Variants in SLC9C1 observed in about 807,000 individuals in gnomAD.
SLC9C1 encodes the protein sodium/hydrogen exchanger 10.
A neutral mutation model predicts 140.9 loss-of-function variants in SLC9C1; 97 were observed. The observed-to-expected ratio is 0.69, with a 90% CI of 0.58 to 0.82. The LOEUF is 0.82. Among genes scored for constraint, SLC9C1 ranks in the 40% least tolerant of loss-of-function variants. The pLI is 0.00. For missense variants in SLC9C1, 1,340 were observed against 1,389.3 expected (o/e 0.96, Z 0.56); for synonymous variants, 440 against 442.6 (o/e 0.99, Z 0.07).
rs529162146 is a variant in SLC9C1 at position 112,260,115 on chromosome 3, A to G, written c.1197+2809T>C. Among the ~76,000 whole-genome samples, 47 of 152,216 alleles carry G rather than the reference A, an allele frequency of 3.1e-4. 1 individual carries two copies. In the South Asian group the frequency reaches 9.7e-3, roughly 32 times the overall value. ...ATATAGAGGAGTATTAAAGTGTCCAATTATAATTTATCTATTTCTCCCTTT... is the reference window on the plus strand; with the variant it reads ...ATATAGAGGAGTATTAAAGTGTCCAGTTATAATTTATCTATTTCTCCCTTT... On this transcript the variant is annotated intron_variant, in intron 10 of 28. Transcript: ENST00000305815.
chr3:112,202,810 C>T (rs1318487828), intron 17 of SLC9C1, among the ~76,000 whole-genome samples: 2 of 151,602 alleles, frequency 1.3e-5, no homozygotes, highest in Non-Finnish European at 2.9e-5. Flanking sequence ...GGTGAGAAAC[C>T]ACCACAACCA....
chr3:112,243,693 C>CT (rs59607744), intron 11 of SLC9C1, among the ~76,000 whole-genome samples: 8 of 143,716 alleles, frequency 5.6e-5, no homozygotes, highest in Admixed American at 3.5e-4. Context: ...TATATGGATT[C>CT]TTTTTTTTTT....
intron 23 of SLC9C1, among the ~76,000 whole-genome samples, chr3:112,171,418 T>A (rs2077245528): frequency 6.6e-6 from 1 of 152,206 alleles, no homozygotes; most frequent in Admixed American, 6.5e-5. Flanking sequence ...CTTTGTAAAG[T>A]GTCTGTTCAC....
At chr3:112,162,585 G>T (rs375829991) in intron 26 of SLC9C1, among the ~76,000 whole-genome samples, 1 of 152,122 alleles carries the variant, frequency 6.6e-6, no homozygotes, top group Non-Finnish European at 1.5e-5. Flanking sequence ...ATTGATTTGC[G>T]TATATTGAAC....
rs554957415 is a variant in SLC9C1 at position 112,152,957 on chromosome 3, A to T, written c.3418-994T>A. Among the ~76,000 whole-genome samples, 3 of 152,240 alleles carry T rather than the reference A, an allele frequency of 2.0e-5. No individual in the cohort carries two copies. The East Asian group carries it at 5.8e-4, about 29-fold the overall frequency. On this transcript the variant is annotated intron_variant, in intron 27 of 28. Transcript: ENST00000305815. Reference sequence around the variant, plus strand: ...GAGTTTCTTATGTCTTCCTTTTTCTAGATAGACACAATAACAGTCTGATCT... The same window carrying T: ...GAGTTTCTTATGTCTTCCTTTTTCTTGATAGACACAATAACAGTCTGATCT...
chr3:112,292,219 A>C (rs1349088679), intron 1 of SLC9C1, among the ~76,000 whole-genome samples: 2 of 152,192 alleles, frequency 1.3e-5, no homozygotes, highest in Admixed American at 1.3e-4. Context: ...CCATGACATG[A>C]ATTTACCCAT....
rs2074933811 is a variant in SLC9C1 at position 112,150,759 on chromosome 3, T to G, written c.3524+1098A>C. 2.1e-5 allele frequency among the ~76,000 whole-genome samples: 3 copies of G among 142,686 alleles called. No homozygotes were observed. The South Asian group carries it at 6.5e-4, about 31-fold the overall frequency. The allele number at this position is 142,686 out of a possible 152,430, so 93.6% of individuals were successfully genotyped here. Reference sequence around the variant, plus strand: ...AATATATATATATATAAAATATATATATAAAAATACATATATATATATAAA... The same window carrying G: ...AATATATATATATATAAAATATATAGATAAAAATACATATATATATATAAA... On this transcript the variant is annotated intron_variant, in intron 28 of 28. Coordinates refer to ENST00000305815, the MANE Select transcript of SLC9C1 (RefSeq NM_183061.3).
chr3:112,288,032 G>T (rs1436784508), intron 1 of SLC9C1, among the ~76,000 whole-genome samples: 1 of 97,074 alleles, frequency 1.0e-5, no homozygotes, highest in Admixed American at 1.8e-4. Context: ...CACAGAGCAA[G>T]ACTCCGTCTC....
intron 13 of SLC9C1, among the ~76,000 whole-genome samples, chr3:112,223,388 A>C (rs1239491385): frequency 6.6e-6 from 1 of 152,298 alleles, no homozygotes; most frequent in Non-Finnish European, 1.5e-5. Flanking sequence ...AGGCCTAGTA[A>C]GCAATTTTTG....
chr3:112,197,516 T>C (rs2077797304), intron 20 of SLC9C1, among the ~76,000 whole-genome samples: 1 of 152,140 alleles, frequency 6.6e-6, no homozygotes, highest in East Asian at 1.9e-4. Flanking sequence ...GCCATGGTGC[T>C]GAGGGGTGAG....
At position 112,273,678 on chromosome 3, in the gene SLC9C1, T is replaced by C. The variant is rs529140240; in HGVS notation, c.613+1219A>G. ...GAATAGAGGTATACAGGGTCCCTGG[T>C]TGCACAACAATGAAGCACTCTCTAG... On this transcript the variant is annotated intron_variant, in intron 6 of 28. Transcript: ENST00000305815. Among the ~76,000 whole-genome samples, 3 of 152,232 alleles carry C rather than the reference T, an allele frequency of 2.0e-5. No homozygotes were observed. In the South Asian group the frequency reaches 6.2e-4, roughly 32 times the overall value.
At chr3:112,166,040 A>T (rs2077126283) in intron 26 of SLC9C1, among the ~76,000 whole-genome samples, 1 of 126,908 alleles carries the variant, frequency 7.9e-6, no homozygotes, top group South Asian at 2.9e-4. Context: ...GCAGTGAGTG[A>T]GGCTCCGTGG....
chr3:112,161,962 G>A (rs1397193795), intron 26 of SLC9C1, among the ~76,000 whole-genome samples: 1 of 151,930 alleles, frequency 6.6e-6, no homozygotes, highest in Non-Finnish European at 1.5e-5. Flanking sequence ...GTGGTTTGTA[G>A]TTCTCCGTGA....
intron 13 of SLC9C1, among the ~76,000 whole-genome samples, chr3:112,230,751 A>T (rs1576397710): frequency 6.6e-6 from 1 of 152,270 alleles, no homozygotes; most frequent in East Asian, 1.9e-4. Context: ...TAAGAGGACA[A>T]TTCATGGCAA....
At chr3:112,176,109 ACT>A (rs1314679659) in intron 23 of SLC9C1, among the ~76,000 whole-genome samples, 4 of 151,778 alleles carry the variant, frequency 2.6e-5, no homozygotes, top group Admixed American at 6.6e-5. Flanking sequence ...CTCTGCCAAG[ACT>A]CCACATAGCT....
chr3:112,263,284 G>T (rs1576473535), intron 9 of SLC9C1, among the ~76,000 whole-genome samples, 186 bp from the exon 10 acceptor site: 1 of 151,872 alleles, frequency 6.6e-6, no homozygotes. Flanking sequence ...CATGCCAAGA[G>T]AATGGTATTA....
chr3:112,279,536 T>C (rs985144509), intron 3 of SLC9C1, among the ~76,000 whole-genome samples: 5 of 152,108 alleles, frequency 3.3e-5, no homozygotes, highest in Non-Finnish European at 7.4e-5. Context: ...TGGATAATCA[T>C]GCACAAAATT....
At chr3:112,217,353 C>A (rs1388857) in intron 15 of SLC9C1, 89 bp downstream of exon 15, 1,110,182 of 1,442,500 alleles carry the variant, frequency 0.77, 430,189 homozygotes, top group East Asian at 0.99. Context: ...AGTATAATAA[C>A]AAAAAATTCA....
rs1450250376 is a variant in SLC9C1, at chr3:112,280,725, T to A, written c.147A>T (p.Leu49Phe). Residue 49 changes from leucine to phenylalanine, a missense_variant, in exon 3 of 29, where the codon TTA becomes TTT. Physicochemically the swap from Leu to Phe is conservative, Grantham distance 22. Coordinates refer to ENST00000305815, the MANE Select transcript of SLC9C1 (RefSeq NM_183061.3). The stretch of plus-strand genomic sequence containing the variant: ...TTAATACTTCAAAACTGCATCCAAG[T>A]AAAAATAATATCACAGGGACAGGAA... Reference protein sequence around the residue: ...FPIPVPVILFLLGCSFEVLSF... With the variant: ...FPIPVPVILFFLGCSFEVLSF... 2 of 1,611,914 alleles carry A rather than the reference T, an allele frequency of 1.2e-6. No homozygotes were observed. Among genetic ancestry groups the A allele is most frequent in the East Asian group, 4.5e-5 (2 of 44,836 alleles).
Sources: allele counts gnomAD v4.1 joint callset (sites outside exome capture counted in the v4.1 genomes callset), GRCh38; gene constraint gnomAD v4.1.1; transcripts MANE v1.5; gene names NCBI Gene and HGNC (gene_info 2026-07-23, HGNC 2026-07-21).